The following MBD5 variants were observed in gnomAD, a reference collection of about 807,000 sequenced individuals.
MBD5 encodes the protein methyl-CpG-binding domain protein 5.
In MBD5, 13 loss-of-function variants were observed where a neutral mutation model predicts 117.3. The ratio of observed to expected loss-of-function variants is 0.11; its 90% confidence interval spans 0.07 to 0.18. The LOEUF (loss-of-function observed/expected upper bound fraction) is 0.18, where lower values mean the gene tolerates loss of function less well. MBD5 is among the 10% of genes least tolerant of loss of function. The pLI is 1.00. For missense variants in MBD5, 1,879 were observed against 2,093.8 expected (o/e 0.90, Z 2.00); for synonymous variants, 727 against 766.4 (o/e 0.95, Z 0.85).
chr2:148,316,321 C>A (rs1409319760), intron 3 of MBD5, among the ~76,000 whole-genome samples: 1 of 152,030 alleles, frequency 6.6e-6, no homozygotes, highest in African/African-American at 2.4e-5. Context: ...ATATAATAGT[C>A]TATATTCTTG....
chr2:148,204,950 T>C (rs1172160653), intron 2 of MBD5, among the ~76,000 whole-genome samples: 1 of 152,124 alleles, frequency 6.6e-6, no homozygotes, highest in Non-Finnish European at 1.5e-5. Context: ...ATGTAGACAC[T>C]ATATATAAAT....
At chr2:148,394,708 T>C (rs543189109) in intron 4 of MBD5, among the ~76,000 whole-genome samples, 1 of 125,076 alleles carries the variant, frequency 8.0e-6, no homozygotes, top group East Asian at 3.1e-4. Context: ...GTTAGTGCTG[T>C]TCTCAATTTC....
chr2:148,064,126 TTC>T lies in MBD5; in HGVS notation c.-925+42444_-925+42445del, dbSNP rs199748293. ...ATACTATTCCCACCAGCTGTCTTTTTTCTTTTTTTTTTTTTTTGAGACAGAGC... is the reference window on the plus strand; with the variant it reads ...ATACTATTCCCACCAGCTGTCTTTTTTTTTTTTTTTTTTTTGAGACAGAGC... On this transcript the variant is annotated intron_variant, in intron 1 of 13. Transcript: ENST00000642680. Among the ~76,000 whole-genome samples, 238 of 112,728 alleles carry T rather than the reference TTC, an allele frequency of 2.1e-3. 14 individuals carry two copies. The highest frequency in any genetic ancestry group is 4.1e-3 in the African/African-American group (117 of 28,376). The allele number at this position is 112,728 out of a possible 152,430, so 74.0% of individuals were successfully genotyped here. A position where few individuals can be genotyped will look rare whatever the true frequency, so the allele number is the denominator to read the frequency against.
intron 4 of MBD5, among the ~76,000 whole-genome samples, chr2:148,440,807 T>A (rs1005752954): frequency 6.6e-6 from 1 of 152,200 alleles, no homozygotes; most frequent in African/African-American, 2.4e-5. Context: ...CTAGGCAGGA[T>A]AACAAAAGGT....
intron 1 of MBD5, among the ~76,000 whole-genome samples, chr2:148,113,507 CAT>C (rs1395735910): frequency 2.0e-5 from 3 of 152,136 alleles, no homozygotes; most frequent in East Asian, 1.9e-4. Context: ...CTTAAAATAA[CAT>C]GTGTAGAGAA....
intron 3 of MBD5, among the ~76,000 whole-genome samples, chr2:148,257,234 G>C (rs932605568): frequency 2.0e-5 from 3 of 152,184 alleles, no homozygotes; most frequent in Non-Finnish European, 4.4e-5. Flanking sequence ...AGGCGCCCCT[G>C]GTCCACTACC....
intron 1 of MBD5, among the ~76,000 whole-genome samples, chr2:148,144,684 G>C (rs1287587837): frequency 1.3e-5 from 2 of 152,142 alleles, no homozygotes; most frequent in African/African-American, 4.8e-5. Context: ...ACTTTTCCCA[G>C]CACCATTTAT....
At chr2:148,180,338 T>TTATATATATATATATA (rs1574101983) in intron 2 of MBD5, among the ~76,000 whole-genome samples, 5 of 13,664 alleles carry the variant, frequency 3.7e-4, no homozygotes, top group Admixed American at 1.9e-3. Flanking sequence ...TAAAAAAAAA[T>TTATATATATATATATA]TATACATATA....
rs972984927 is a variant in MBD5 at position 148,425,181 on chromosome 2, A to G, written c.-556-33022A>G. ...CAGAGAGAAGAATCAACTAGACACA[A>G]TAAAAAAAATGATAAAGGGAATATC... On this transcript the variant is annotated intron_variant, in intron 4 of 13. Transcript: ENST00000642680. Among the ~76,000 whole-genome samples the G allele has an allele frequency of 2.6e-5, 4 of 152,300 alleles. No homozygotes were observed. The East Asian group carries it at 7.7e-4, about 29-fold the overall frequency.
intron 3 of MBD5, among the ~76,000 whole-genome samples, chr2:148,328,236 C>G (rs939151864): frequency 1.4e-4 from 22 of 152,214 alleles, no homozygotes; most frequent in African/African-American, 5.1e-4. Context: ...GACCACTGCT[C>G]TCTTCAAAGC....
intron 8 of MBD5, among the ~76,000 whole-genome samples, chr2:148,479,546 T>C (rs1681078352): frequency 6.6e-6 from 1 of 152,172 alleles, no homozygotes; most frequent in African/African-American, 2.4e-5. Context: ...TCTTTAATGG[T>C]TTAGAAAGAT....
chr2:148,215,617 C>T (rs373924374), intron 2 of MBD5, among the ~76,000 whole-genome samples: 1 of 151,832 alleles, frequency 6.6e-6, no homozygotes, highest in Non-Finnish European at 1.5e-5. Context: ...GAACTCCAGG[C>T]CTCAGGTGAT....
At chr2:148,461,336 G>A (rs900000197) in intron 5 of MBD5, among the ~76,000 whole-genome samples, 7 of 150,050 alleles carry the variant, frequency 4.7e-5, no homozygotes, top group African/African-American at 1.7e-4. Flanking sequence ...CATATCACCT[G>A]AAAAAAAAAT....
At chr2:148,113,288 T>C (rs1419784794) in intron 1 of MBD5, among the ~76,000 whole-genome samples, 2 of 152,250 alleles carry the variant, frequency 1.3e-5, no homozygotes, top group Non-Finnish European at 2.9e-5. Flanking sequence ...TCCTTTTTGT[T>C]CATAAAGTTA....
Position 148,021,534 on chromosome 2 carries a change from C to T in MBD5, c.-1075C>T. The T allele has an allele frequency of 1.8e-6, 1 of 563,824 alleles. No individual in the cohort carries two copies. The allele number at this position is 563,824 out of a possible 1,614,324, so 34.9% of individuals were successfully genotyped here. The stretch of plus-strand genomic sequence containing the variant: ...TGCTACTGCTGCTGCTTGGCCCTGG[C>T]TGGAGACATCTCACTACACCCAGGA... On this transcript the variant is annotated 5_prime_UTR_variant, in exon 1 of 14. Coordinates refer to ENST00000642680, the MANE Select transcript of MBD5 (RefSeq NM_001378120.1).
intron 11 of MBD5, among the ~76,000 whole-genome samples, chr2:148,494,822 G>C (rs927765625): frequency 1.3e-5 from 2 of 152,120 alleles, no homozygotes; most frequent in Non-Finnish European, 1.5e-5. Context: ...AATTAGCCGG[G>C]GGTGGTGGCG....
intron 1 of MBD5, among the ~76,000 whole-genome samples, chr2:148,152,001 C>T (rs1697687487): frequency 6.6e-6 from 1 of 151,038 alleles, no homozygotes; most frequent in South Asian, 2.1e-4. Context: ...TGTGTTTGCT[C>T]TTGCTTTTCT....
chr2:148,176,589 A>G (rs1398045736), intron 1 of MBD5, among the ~76,000 whole-genome samples: 1 of 151,860 alleles, frequency 6.6e-6, no homozygotes, highest in Admixed American at 6.6e-5. Flanking sequence ...TTGTATTTTT[A>G]GTAGAGACAG....
In MBD5 at chr2:148,469,832, T is replaced by C; in HGVS notation, c.1889T>C (p.Met630Thr). The C allele has an allele frequency of 6.2e-7, 1 of 1,613,950 alleles. No homozygotes were observed. Among genetic ancestry groups the C allele is most frequent in the African/African-American group, 1.3e-5 (1 of 75,040 alleles). Residue 630 changes from methionine (M) to threonine (T), a missense_variant, in exon 8 of 14, where the codon ATG (methionine) becomes ACG (threonine). Met to Thr is a moderately conservative substitution (Grantham distance 81, BLOSUM62 -1). This residue lies in a region of MBD5 where 1,666 missense variants were observed against 1,792.2 expected (regional missense o/e 0.93). Coordinates refer to ENST00000642680, the MANE Select transcript of MBD5 (RefSeq NM_001378120.1). Reference protein sequence around the residue: ...LNTMFPPTANMLLPTGEGQSG... With the variant: ...LNTMFPPTANTLLPTGEGQSG... ...ACCATGTTCCCTCCTACTGCCAACA[T>C]GCTTCTCCCAACAGGTGAAGGGCAA...
Sources: gnomAD v4.1 joint callset for allele counts (sites outside exome capture counted in the v4.1 genomes callset) on GRCh38, gnomAD v4.1.1 for gene constraint, gnomAD v4.1.1 regional missense constraint, MANE v1.5 for transcripts, NCBI Gene and HGNC (gene_info 2026-07-23, HGNC 2026-07-21) for gene names.